FRAS1: variants seen among roughly 807,000 people sequenced by gnomAD.
FRAS1 encodes the protein extracellular matrix organizing protein FRAS1.
A neutral mutation model predicts 435.2 loss-of-function variants in FRAS1; 290 were observed. The ratio of observed to expected loss-of-function variants is 0.67; its 90% confidence interval spans 0.61 to 0.73. FRAS1 has a LOEUF of 0.73. Ranked by LOEUF, FRAS1 falls within the 30% of genes least tolerant of loss-of-function variation. FRAS1 has a pLI of 0.00. For synonymous variants in FRAS1, 1,800 were observed against 1,851.0 expected, an observed-to-expected ratio of 0.97 and a Z score of 0.71; for missense variants, 4,860 against 5,001.5, an observed-to-expected ratio of 0.97 and a Z score of 0.85.
chr4:78,337,753 C>G lies in FRAS1; in HGVS notation c.2358C>G (p.Thr786=). 6.2e-7 allele frequency: 1 copy of G among 1,613,928 alleles called. No homozygotes were observed. Among genetic ancestry groups the G allele is most frequent in the Non-Finnish European group, 8.5e-7 (1 of 1,179,858 alleles). Residue 786 remains threonine, a synonymous_variant, in exon 20 of 74, where the codon ACC becomes ACG. Coordinates refer to ENST00000512123, the MANE Select transcript of FRAS1 (RefSeq NM_025074.7). Reference sequence around the variant, plus strand: ...CCTGTTACCCTCACATCTCTCTTACCAATGGTAACTGCAGGACCAGCTGCA... The same window carrying G: ...CCTGTTACCCTCACATCTCTCTTACGAATGGTAACTGCAGGACCAGCTGCA... ...CISCYPHISL[T]NGNCRTSCRE...
At chr4:78,413,137 G>A (rs376570540) in intron 32 of FRAS1, 52 bp downstream of exon 32, 5 of 1,050,724 alleles carry the variant, frequency 4.8e-6, no homozygotes, top group South Asian at 3.0e-5. Context: ...CACACAGCAC[G>A]CTGATGGGAT....
At chr4:78,089,722 A>T (rs1461746001) in intron 2 of FRAS1, among the ~76,000 whole-genome samples, 1 of 152,206 alleles carries the variant, frequency 6.6e-6, no homozygotes, top group Non-Finnish European at 1.5e-5. Flanking sequence ...TAGAAATTGG[A>T]TACAGCTCTT....
intron 2 of FRAS1, among the ~76,000 whole-genome samples, chr4:78,078,326 A>T (rs954631390): frequency 5.9e-5 from 9 of 152,158 alleles, no homozygotes; most frequent in Admixed American, 1.3e-4. Context: ...ATACATTTTT[A>T]AAAAGCATGT....
chr4:78,337,417 C>G (rs1730212893), intron 19 of FRAS1, among the ~76,000 whole-genome samples: 1 of 152,146 alleles, frequency 6.6e-6, no homozygotes, highest in South Asian at 2.1e-4. Context: ...ATGCTGGTCT[C>G]TCTGGAATGT....
intron 50 of FRAS1, among the ~76,000 whole-genome samples, chr4:78,468,462 C>T (rs1719601257): frequency 7.1e-6 from 1 of 140,494 alleles, no homozygotes; most frequent in South Asian, 2.2e-4. Flanking sequence ...ACACAGGGAA[C>T]ATCAGATAAA....
intron 47 of FRAS1, 49 bp from the exon 48 acceptor site, chr4:78,463,972 G>T: frequency 6.2e-7 from 1 of 1,605,586 alleles, no homozygotes; most frequent in Non-Finnish European, 8.5e-7. Context: ...TAGATATATG[G>T]CTAGCATTTT....
intron 2 of FRAS1, among the ~76,000 whole-genome samples, chr4:78,201,127 T>G (rs1351122794): frequency 6.6e-6 from 1 of 152,050 alleles, no homozygotes; most frequent in Non-Finnish European, 1.5e-5. Context: ...CTTTTATTAT[T>G]TGCCTTTGTG....
At position 78,260,184 on chromosome 4, in the gene FRAS1, G is replaced by A. The variant is rs554220578; in HGVS notation, c.603+4809G>A. Among the ~76,000 whole-genome samples, 115 of 151,714 alleles carry A rather than the reference G, an allele frequency of 7.6e-4. 1 individual carries two copies. In the East Asian group the frequency reaches 0.011, roughly 15 times the overall value. On this transcript the variant is annotated intron_variant, in intron 6 of 73. Coordinates refer to ENST00000512123, the MANE Select transcript of FRAS1 (RefSeq NM_025074.7). ...TGGCTTAGGATTGACTTGGCAATGC[G>A]GGCTCTTTTTTGGTTCCATATGAAC...
At chr4:78,168,403 C>CT (rs1160897085) in intron 2 of FRAS1, among the ~76,000 whole-genome samples, 2 of 150,056 alleles carry the variant, frequency 1.3e-5, no homozygotes, top group Non-Finnish European at 3.0e-5. Flanking sequence ...TTTGTTTTTT[C>CT]TTTTTTTTTA....
chr4:78,191,320 A>G (rs528732444), intron 2 of FRAS1, among the ~76,000 whole-genome samples: 19 of 152,142 alleles, frequency 1.2e-4, no homozygotes, highest in Non-Finnish European at 1.9e-4. Flanking sequence ...ATGTGGTAAC[A>G]TTCTCTCATT....
chr4:78,341,665 TG>T (rs1195644464), intron 20 of FRAS1, among the ~76,000 whole-genome samples: 3 of 152,068 alleles, frequency 2.0e-5, no homozygotes, highest in Non-Finnish European at 2.9e-5. Context: ...CCCTCAGCCC[TG>T]GGGGGTAAGG....
intron 69 of FRAS1, among the ~76,000 whole-genome samples, chr4:78,524,860 A>G (rs1353165601): frequency 6.6e-6 from 1 of 152,192 alleles, no homozygotes; most frequent in South Asian, 2.1e-4. Context: ...GAGCAGGGTA[A>G]GGGGAGACAG....
At chr4:78,289,051 G>T (rs1727755904) in intron 14 of FRAS1, among the ~76,000 whole-genome samples, 1 of 152,170 alleles carries the variant, frequency 6.6e-6, no homozygotes, top group South Asian at 2.1e-4. Flanking sequence ...ACTGAGTGCT[G>T]TGCTGAGGAA....
chr4:78,379,745 T>C lies in FRAS1; in HGVS notation c.3312T>C (p.Ser1104=), dbSNP rs35774552. Residue 1104 remains serine (S), a synonymous_variant, in exon 27 of 74, where the codon AGT becomes AGC. Coordinates refer to ENST00000512123, the MANE Select transcript of FRAS1 (RefSeq NM_025074.7). ...ETCSGKIHTP[S]LHVNGSLILP... ...TTTCAGGCAAAATACACACCCCTAG[T>C]CTTCATGTGAATGGTTCCCTGATCC... 0.082 allele frequency: 132,579 copies of C among 1,613,114 alleles called. 6,442 individuals are homozygous for C. Among genetic ancestry groups the C allele is most frequent in the Non-Finnish European group, 0.098 (115,214 of 1,179,426 alleles).
intron 40 of FRAS1, among the ~76,000 whole-genome samples, chr4:78,440,589 T>C (rs1054215414): frequency 9.2e-5 from 14 of 152,126 alleles, no homozygotes; most frequent in Admixed American, 9.2e-4. Flanking sequence ...GAAAAAAAAT[T>C]AGTTTGAGCA....
At chr4:78,522,542 G>A in intron 68 of FRAS1, 107 bp from the exon 69 acceptor site, 1 of 974,610 alleles carries the variant, frequency 1.0e-6, no homozygotes, top group South Asian at 1.6e-5. Context: ...TTGTTTGAGA[G>A]AAGAACATTA....
At position 78,318,436 on chromosome 4, in the gene FRAS1, C is replaced by T. The variant is rs375664076; in HGVS notation, c.1961-374C>T. On this transcript the variant is annotated intron_variant, in intron 17 of 73. Transcript: ENST00000512123. The stretch of plus-strand genomic sequence containing the variant: ...TGCAAAAGATACAGTAATGGCCTCC[C>T]TATGAATGGTTCTAAAAATCTGCAA... 1.6e-3 allele frequency among the ~76,000 whole-genome samples: 249 copies of T among 152,288 alleles called. 2 individuals are homozygous for T. Among genetic ancestry groups the T allele is most frequent in the African/African-American group, 5.8e-3 (239 of 41,552 alleles).
chr4:78,065,083 T>TATATATATATATACAC (rs1383890164), intron 1 of FRAS1, among the ~76,000 whole-genome samples: 49 of 140,590 alleles, frequency 3.5e-4, no homozygotes, highest in African/African-American at 1.2e-3. Context: ...TATATATATA[T>TATATATATATATACAC]ACATACACAC....
Position 78,267,383 on chromosome 4 carries a change from G to A in FRAS1, c.932G>A (p.Gly311Asp), listed in dbSNP as rs895855963. 1.9e-6 allele frequency: 3 copies of A among 1,613,790 alleles called. No individual in the cohort carries two copies. Among genetic ancestry groups the A allele is most frequent in the Admixed American group, 3.3e-5 (2 of 59,998 alleles). The change falls in exon 9 of 74, where the codon GGC (glycine) becomes GAC (aspartate). Residue 311 changes from glycine to aspartate, a missense_variant. Coordinates refer to ENST00000512123, the MANE Select transcript of FRAS1 (RefSeq NM_025074.7). The stretch of plus-strand genomic sequence containing the variant: ...TGTGAGTTCTGCATGTGTGATCATG[G>A]CCAAGTGACCTGCCAGACTGGAGAG... ...SACEFCMCDH[G>D]QVTCQTGECA...
Sources: gnomAD v4.1 joint callset for allele counts (sites outside exome capture counted in the v4.1 genomes callset) on GRCh38, gnomAD v4.1.1 for gene constraint, MANE v1.5 for transcripts, NCBI Gene and HGNC (gene_info 2026-07-23, HGNC 2026-07-21) for gene names.